NRG3: variants seen among roughly 807,000 people sequenced by gnomAD.
NRG3 encodes pro-neuregulin-3, membrane-bound isoform.
NRG3 carries 31 observed loss-of-function variants against 66.9 expected under a neutral mutation model. The ratio of observed to expected loss-of-function variants is 0.46; its 90% confidence interval spans 0.35 to 0.63. The LOEUF (loss-of-function observed/expected upper bound fraction) is 0.63. Ranked by LOEUF, NRG3 falls within the 20% of genes least tolerant of loss-of-function variation. The pLI, the probability that NRG3 is intolerant of heterozygous loss-of-function variation, is 0.00. For synonymous variants in NRG3, 393 were observed against 359.4 expected, an observed-to-expected ratio of 1.09 and a Z score of -1.06; for missense variants, 910 against 878.9, an observed-to-expected ratio of 1.04 and a Z score of -0.45.
At chr10:82,589,064 CCT>C (rs1358882850) in intron 2 of NRG3, among the ~76,000 whole-genome samples, 1 of 152,112 alleles carries the variant, frequency 6.6e-6, no homozygotes, top group Non-Finnish European at 1.5e-5. Flanking sequence ...AGACTCACCT[CCT>C]CTCTGCGTTA....
chr10:82,828,859 T>C (rs948877416), intron 3 of NRG3, among the ~76,000 whole-genome samples: 1 of 152,170 alleles, frequency 6.6e-6, no homozygotes, highest in African/African-American at 2.4e-5. Flanking sequence ...ATGATAGTCC[T>C]GAAGCTGCTA....
At chr10:82,868,741 G>A (rs1841005359) in intron 4 of NRG3, among the ~76,000 whole-genome samples, 1 of 152,052 alleles carries the variant, frequency 6.6e-6, no homozygotes, top group Admixed American at 6.5e-5. Flanking sequence ...TGCCCAGGCT[G>A]GAGTGCAGTA....
At chr10:82,249,501 G>T (rs1037694737) in intron 1 of NRG3, among the ~76,000 whole-genome samples, 1 of 152,172 alleles carries the variant, frequency 6.6e-6, no homozygotes, top group Non-Finnish European at 1.5e-5. Flanking sequence ...GCTCATAGTA[G>T]CAGATACTGT....
intron 2 of NRG3, among the ~76,000 whole-genome samples, chr10:82,583,298 AT>A (rs758415815): frequency 6.6e-6 from 1 of 152,226 alleles, no homozygotes; most frequent in African/African-American, 2.4e-5. Context: ...TATTAAAAAA[AT>A]AATACTGATT....
intron 4 of NRG3, among the ~76,000 whole-genome samples, chr10:82,947,206 A>G (rs1436152245): frequency 6.6e-6 from 1 of 152,154 alleles, no homozygotes; most frequent in Non-Finnish European, 1.5e-5. Context: ...ATTATACAAC[A>G]TGTACCCTGT....
At position 82,940,185 on chromosome 10, in the gene NRG3, G is replaced by A. The variant is rs145351351; in HGVS notation, c.1055-11284G>A. ...TATTTATTCTGAGCTTTTAGGGATC[G>A]GTGGGCAGATTAACTTGCTAGGGCT... On this transcript the variant is annotated intron_variant, in intron 4 of 8. Transcript: ENST00000372141. Among the ~76,000 whole-genome samples the A allele has an allele frequency of 7.8e-3, 1,184 of 152,240 alleles. 10 individuals are homozygous for A. The highest frequency in any genetic ancestry group is 0.015 in the South Asian group (71 of 4,826).
intron 2 of NRG3, among the ~76,000 whole-genome samples, chr10:82,389,212 G>T (rs1012739534): frequency 2.0e-5 from 3 of 152,180 alleles, no homozygotes; most frequent in African/African-American, 7.2e-5. Context: ...CAGAGCGAGA[G>T]AATGCAAATC....
intron 1 of NRG3, among the ~76,000 whole-genome samples, chr10:81,928,140 A>T (rs1249225126): frequency 6.6e-6 from 1 of 152,204 alleles, no homozygotes; most frequent in Non-Finnish European, 1.5e-5. Context: ...TTCTCACTTA[A>T]CCACTTTGTG....
chr10:82,376,919 A>G (rs1252728794), intron 2 of NRG3, among the ~76,000 whole-genome samples: 1 of 152,082 alleles, frequency 6.6e-6, no homozygotes. Context: ...CTTATCTTCT[A>G]CTGCTTCTTT....
chr10:82,726,421 G>A (rs538222971), intron 2 of NRG3, among the ~76,000 whole-genome samples: 5 of 152,220 alleles, frequency 3.3e-5, no homozygotes, highest in African/African-American at 9.6e-5. Flanking sequence ...ATGGGGGCGA[G>A]TCTTTCCCGT....
intron 4 of NRG3, among the ~76,000 whole-genome samples, chr10:82,916,387 G>A (rs981191937): frequency 1.2e-4 from 18 of 152,272 alleles, no homozygotes; most frequent in Admixed American, 4.6e-4. Context: ...GGGAGGTCAA[G>A]GTTGTAGTGA....
chr10:82,743,515 G>C (rs1192330658), intron 3 of NRG3, among the ~76,000 whole-genome samples: 1 of 152,122 alleles, frequency 6.6e-6, no homozygotes, highest in East Asian at 1.9e-4. Context: ...GGTAGAGTGT[G>C]TTCTAGCACC....
At chr10:81,978,229 A>T (rs944510046) in intron 1 of NRG3, among the ~76,000 whole-genome samples, 2 of 152,168 alleles carry the variant, frequency 1.3e-5, no homozygotes, top group African/African-American at 4.8e-5. Flanking sequence ...GAAAATACGG[A>T]TATATGGATG....
At chr10:82,396,536 C>T (rs1367653746) in intron 2 of NRG3, among the ~76,000 whole-genome samples, 1 of 152,192 alleles carries the variant, frequency 6.6e-6, no homozygotes, top group African/African-American at 2.4e-5. Context: ...CACTTGCCGT[C>T]TACTCATGAA....
intron 2 of NRG3, among the ~76,000 whole-genome samples, chr10:82,459,611 T>C (rs922736875): frequency 5.9e-5 from 9 of 152,176 alleles, no homozygotes; most frequent in African/African-American, 2.2e-4. Context: ...GTTGAATTAT[T>C]TCTCAACATC....
chr10:82,351,349 C>T (rs7077048), intron 1 of NRG3, among the ~76,000 whole-genome samples: 22,278 of 152,154 alleles, frequency 0.15, 1,769 homozygotes, highest in East Asian at 0.28. Flanking sequence ...ACACCATCCC[C>T]ACCGTGGATA....
At chr10:82,757,066 C>T (rs1407682617) in intron 3 of NRG3, among the ~76,000 whole-genome samples, 1 of 151,932 alleles carries the variant, frequency 6.6e-6, no homozygotes, top group African/African-American at 2.4e-5. Context: ...CAATGGCATC[C>T]GGAGCTGAAA....
At chr10:82,329,363 A>G (rs534920543) in intron 1 of NRG3, among the ~76,000 whole-genome samples, 1 of 150,992 alleles carries the variant, frequency 6.6e-6, no homozygotes, top group African/African-American at 2.4e-5. Context: ...TTTTGCCTCA[A>G]TTACCTAAAA....
At chr10:82,945,555 G>A (rs1035388436) in intron 4 of NRG3, among the ~76,000 whole-genome samples, 1 of 152,166 alleles carries the variant, frequency 6.6e-6, no homozygotes, top group African/African-American at 2.4e-5. Flanking sequence ...TGGCAGAAGG[G>A]GGAAGGCAAG....
Sources: gnomAD v4.1 joint callset for allele counts (sites outside exome capture counted in the v4.1 genomes callset) on GRCh38, gnomAD v4.1.1 for gene constraint, MANE v1.5 for transcripts, NCBI Gene and HGNC (gene_info 2026-07-23, HGNC 2026-07-21) for gene names.